Variants in UGT1A7 observed in about 807,000 individuals in gnomAD.
UGT1A7 encodes the protein UDP-glucuronosyltransferase 1A7.
Under a neutral mutation model 45.6 loss-of-function variants are expected in UGT1A7, and 33 were observed. The observed-to-expected ratio is 0.72, with a 90% confidence interval of 0.55 to 0.97. UGT1A7 has a LOEUF of 0.97. Ranked by LOEUF, UGT1A7 falls within the 50% of genes least tolerant of loss-of-function variation. The pLI, the probability that UGT1A7 is intolerant of heterozygous loss-of-function variation, is 0.00. For synonymous variants in UGT1A7, 274 were observed against 250.6 expected, an observed-to-expected ratio of 1.09 and a Z score of -0.88; for missense variants, 684 against 666.2, an observed-to-expected ratio of 1.03 and a Z score of -0.29.
Position 233,682,404 on chromosome 2 carries a change from T to C in UGT1A7, c.467T>C (p.Ile156Thr), listed in dbSNP as rs140683946. The change falls in exon 1 of 5, where the codon ATT becomes ACT. Residue 156 changes from isoleucine (I) to threonine (T), a missense_variant. By Grantham distance (89) the Ile-to-Thr change is moderately conservative (BLOSUM62 -1). Transcript: ENST00000373426. ...FLDPFDACGL[I>T]VAKYFSLPSV... ...GATCCTTTTGATGCCTGTGGCTTAA[T>C]TGTTGCCAAATATTTCTCCCTCCCC... 2.6e-5 allele frequency: 42 copies of C among 1,613,888 alleles called. No individual in the cohort carries two copies. In the African/African-American group the frequency reaches 3.9e-4, roughly 15 times the overall value.
At chr2:233,690,519 G>T in intron 1 of UGT1A7, 1 of 1,289,602 alleles carries the variant, frequency 7.8e-7, no homozygotes, top group Non-Finnish European at 1.0e-6. Context: ...TTTTATCTTA[G>T]GATCTACTTC....
chr2:233,682,832 C>A, intron 1 of UGT1A7, 40 bp downstream of exon 1: 2 of 1,552,218 alleles, frequency 1.3e-6, no homozygotes, highest in African/African-American at 1.4e-5. Context: ...AATAATCTGG[C>A]TTTGGAAATT....
chr2:233,772,094 C>G (rs995748491), intron 4 of UGT1A7, among the ~76,000 whole-genome samples, 168 bp from the exon 5 acceptor site: 7 of 152,164 alleles, frequency 4.6e-5, no homozygotes, highest in Admixed American at 3.9e-4. Context: ...GCCCGGGCAA[C>G]AGGGCAAGAC....
rs571873235 is a variant in UGT1A7, at chr2:233,755,171, G to C, written c.856-11863G>C. On this transcript the variant is annotated intron_variant, in intron 1 of 4. Transcript: ENST00000373426. ...CTTCCTCCCTGTCCTCGGGGTTTTT[G>C]TCGGGGTGCCACTTGAGCGCCAGCT... 3.0e-4 allele frequency: 375 copies of C among 1,256,390 alleles called. 6 individuals carry two copies. In the South Asian group the frequency reaches 4.2e-3, roughly 14 times the overall value. The allele number at this position is 1,256,390 out of a possible 1,614,324, so 77.8% of individuals were successfully genotyped here.
chr2:233,712,941 TA>T (rs2076262183), intron 1 of UGT1A7: 1 of 1,612,448 alleles, frequency 6.2e-7, no homozygotes, highest in Non-Finnish European at 8.5e-7. Context: ...GAAACAATTC[TA>T]GGAGGCACAA....
At chr2:233,744,789 C>A (rs957843917) in intron 1 of UGT1A7, among the ~76,000 whole-genome samples, 10 of 151,986 alleles carry the variant, frequency 6.6e-5, no homozygotes, top group Admixed American at 2.6e-4. Flanking sequence ...CTGAAAAATT[C>A]TTGGGGATCC....
intron 1 of UGT1A7, chr2:233,713,771 C>T (rs780343524): frequency 3.7e-6 from 6 of 1,614,000 alleles, no homozygotes; most frequent in Non-Finnish European, 5.1e-6. Flanking sequence ...TCCGAGGGGA[C>T]TTTGTGATGG....
At chr2:233,712,414 T>A (rs2125628323) in intron 1 of UGT1A7, among the ~76,000 whole-genome samples, 1 of 152,336 alleles carries the variant, frequency 6.6e-6, no homozygotes, top group East Asian at 1.9e-4. Flanking sequence ...CTTTGAGCTT[T>A]ACAAGAAATA....
At chr2:233,693,101 C>A (rs1056441481) in intron 1 of UGT1A7, 1 of 1,614,084 alleles carries the variant, frequency 6.2e-7, no homozygotes, top group Non-Finnish European at 8.5e-7. Context: ...GCTGGTGGTC[C>A]CTCAGGACGG....
intron 1 of UGT1A7, among the ~76,000 whole-genome samples, chr2:233,762,377 A>T (rs182919265): frequency 5.6e-4 from 86 of 152,370 alleles, no homozygotes; most frequent in African/African-American, 2.0e-3. Context: ...ACCAATATGT[A>T]TATAGAAACA....
chr2:233,714,306 T>C (rs1288766736), intron 1 of UGT1A7, among the ~76,000 whole-genome samples: 1 of 152,124 alleles, frequency 6.6e-6, no homozygotes, highest in East Asian at 1.9e-4. Context: ...TTGCAAAAGA[T>C]AGAGAGGTGA....
intron 1 of UGT1A7, among the ~76,000 whole-genome samples, chr2:233,763,208 C>A (rs998860630): frequency 1.3e-5 from 2 of 152,170 alleles, no homozygotes; most frequent in Non-Finnish European, 2.9e-5. Flanking sequence ...TGCAGTCAGG[C>A]TTAGGTGTGA....
At chr2:233,689,173 GA>G (rs1242031028) in intron 1 of UGT1A7, among the ~76,000 whole-genome samples, 1 of 152,150 alleles carries the variant, frequency 6.6e-6, no homozygotes, top group African/African-American at 2.4e-5. Context: ...CTTCTACTAG[GA>G]CAGGTGCCCC....
intron 1 of UGT1A7, among the ~76,000 whole-genome samples, chr2:233,683,083 C>T (rs1021173198): frequency 2.0e-5 from 3 of 151,994 alleles, no homozygotes; most frequent in African/African-American, 4.8e-5. Context: ...TGAAACTTCC[C>T]TTTTTTTGCT....
chr2:233,760,489 A>G (rs756552149), intron 1 of UGT1A7: 1 of 1,614,150 alleles, frequency 6.2e-7, no homozygotes, highest in Non-Finnish European at 8.5e-7. Context: ...CTCGTTGTAC[A>G]TCAGAGACGG....
chr2:233,725,463 A>G (rs1262858111), intron 1 of UGT1A7, among the ~76,000 whole-genome samples: 1 of 152,026 alleles, frequency 6.6e-6, no homozygotes, highest in Non-Finnish European at 1.5e-5. Flanking sequence ...AAACTTTTCT[A>G]GTGGGCATGT....
chr2:233,767,100 GTC>G lies in UGT1A7; in HGVS notation c.925_926del (p.Ser309ArgfsTer12). 6.2e-7 allele frequency: 1 copy of G among 1,614,092 alleles called. No homozygotes were observed. The highest frequency in any genetic ancestry group is 8.5e-7 in the Non-Finnish European group (1 of 1,180,010). The stretch of plus-strand genomic sequence containing the variant: ...TGTGGTTTTCTCTTTGGGATCAATG[GTC>G]TCAGAAATTCCAGAGAAGAAAGCTA... ...GIVVFSLGSMVSEIPEKKAMA... is the reference protein window; with the variant it reads ...GIVVFSLGSMXSEIPEKKAMA... On this transcript the variant is annotated frameshift_variant, in exon 2 of 5. Transcript: ENST00000373426. LOFTEE classifies it high-confidence loss of function.
chr2:233,716,114 C>A (rs1457178462), intron 1 of UGT1A7, among the ~76,000 whole-genome samples: 2 of 152,082 alleles, frequency 1.3e-5, no homozygotes, highest in Admixed American at 1.3e-4. Flanking sequence ...TTAGTTTTTC[C>A]ATCTTAGTTT....
Position 233,682,261 on chromosome 2 carries a change from A to G in UGT1A7, c.324A>G (p.Leu108=), listed in dbSNP as rs781510118. The G allele has an allele frequency of 6.8e-6, 11 of 1,614,066 alleles. No homozygotes were observed. Among genetic ancestry groups the G allele is most frequent in the Non-Finnish European group, 8.5e-7 (1 of 1,180,030 alleles). ...CACCATTGCGAAGTGCATTTTCTCT[A>G]TTAACAAGTTCATCCAATGGTATTT... ...WTAPLRSAFS[L]LTSSSNGIFD... The change falls in exon 1 of 5, where the codon CTA becomes CTG. Residue 108 remains leucine, a synonymous_variant. Transcript: ENST00000373426.
Sources: gnomAD v4.1 joint callset for allele counts (sites outside exome capture counted in the v4.1 genomes callset) on GRCh38, gnomAD v4.1.1 for gene constraint, MANE v1.5 for transcripts, NCBI Gene and HGNC (gene_info 2026-07-23, HGNC 2026-07-21) for gene names.